Variants in ERC1 observed in about 807,000 individuals in gnomAD.
ERC1 encodes the protein RAB6 interacting protein 2.
Under a neutral mutation model 132.0 loss-of-function variants are expected in ERC1, and 56 were observed. The observed-to-expected ratio is 0.42, with a 90% CI of 0.34 to 0.53. ERC1 has a LOEUF of 0.53. Ranked by LOEUF, ERC1 falls within the 20% of genes least tolerant of loss-of-function variation. The pLI is 0.03. For missense variants in ERC1, 1,202 were observed against 1,349.9 expected, an observed-to-expected ratio of 0.89 and a Z score of 1.72; for synonymous variants, 478 against 476.1, an observed-to-expected ratio of 1.00 and a Z score of -0.05.
At chr12:1,458,059 G>T (rs1046724754) in intron 18 of ERC1, among the ~76,000 whole-genome samples, 2 of 152,248 alleles carry the variant, frequency 1.3e-5, no homozygotes, top group East Asian at 3.8e-4. Flanking sequence ...AGCATGGTTG[G>T]CATATTTGGT....
intron 16 of ERC1, among the ~76,000 whole-genome samples, chr12:1,396,972 A>G (rs1413515310): frequency 6.6e-6 from 1 of 152,140 alleles, no homozygotes; most frequent in East Asian, 1.9e-4. Flanking sequence ...AGTCAGCTCT[A>G]AGAAACCAAA....
At chr12:1,335,609 CT>C (rs759840235) in intron 15 of ERC1, among the ~76,000 whole-genome samples, 14 of 151,994 alleles carry the variant, frequency 9.2e-5, no homozygotes, top group Non-Finnish European at 1.8e-4. Context: ...TTTTCATGTG[CT>C]TCTGGATTCA....
intron 18 of ERC1, among the ~76,000 whole-genome samples, chr12:1,484,827 G>A (rs933644432): frequency 6.6e-6 from 1 of 151,866 alleles, no homozygotes; most frequent in Non-Finnish European, 1.5e-5. Flanking sequence ...TGATGCGCCT[G>A]CCACCTCAGC....
At chr12:1,080,922 C>T (rs1942098998) in intron 2 of ERC1, among the ~76,000 whole-genome samples, 1 of 151,588 alleles carries the variant, frequency 6.6e-6, no homozygotes, top group Admixed American at 6.6e-5. Flanking sequence ...AGAGCAGCCA[C>T]CTTATTTCCA....
chr12:1,422,009 A>T (rs1341417933), intron 17 of ERC1, among the ~76,000 whole-genome samples: 1 of 152,168 alleles, frequency 6.6e-6, no homozygotes, highest in East Asian at 1.9e-4. Flanking sequence ...CTGGCAAAAT[A>T]AGCTAGGGAA....
chr12:1,006,346 G>A (rs1176343867), intron 1 of ERC1, among the ~76,000 whole-genome samples: 1 of 152,064 alleles, frequency 6.6e-6, no homozygotes, highest in Non-Finnish European at 1.5e-5. Flanking sequence ...CAATCCTTCT[G>A]CTTCAACCTT....
intron 13 of ERC1, among the ~76,000 whole-genome samples, chr12:1,250,342 GAAT>G (rs2076395036): frequency 6.6e-6 from 1 of 152,054 alleles, no homozygotes; most frequent in Non-Finnish European, 1.5e-5. Context: ...TCCTTAGCCT[GAAT>G]GTTTAATCAT....
chr12:1,057,760 T>A (rs1442227392), intron 2 of ERC1, among the ~76,000 whole-genome samples: 1 of 151,928 alleles, frequency 6.6e-6, no homozygotes, highest in African/African-American at 2.4e-5. Context: ...CACGCCCAGC[T>A]AATTTTGGTA....
rs118122108 is a variant in ERC1 at position 1,290,514 on chromosome 12, A to C, written c.2780+502A>C. Among the ~76,000 whole-genome samples the C allele has an allele frequency of 1.4e-4, 21 of 152,318 alleles. 1 individual carries two copies. The highest frequency in any genetic ancestry group is 2.6e-4 in the Non-Finnish European group (18 of 68,022). ...TTGTCACTTTTAGCAGAGCTTTGCTATACACATTTTCCTGCTTCCCCCACA... is the reference window on the plus strand; with the variant it reads ...TTGTCACTTTTAGCAGAGCTTTGCTCTACACATTTTCCTGCTTCCCCCACA... On this transcript the variant is annotated intron_variant, in intron 15 of 18. Coordinates refer to ENST00000360905, the MANE Select transcript of ERC1 (RefSeq NM_178040.4).
chr12:1,005,227 C>G (rs1380767673), intron 1 of ERC1, among the ~76,000 whole-genome samples: 1 of 152,072 alleles, frequency 6.6e-6, no homozygotes, highest in African/African-American at 2.4e-5. Flanking sequence ...TCATGGCTTA[C>G]TACAGCCTCG....
In ERC1 at chr12:1,363,763, G is replaced by A. The variant is rs544104428; in HGVS notation, c.2781-8070G>A. ...CAGAGATGAGGTTCCACCATGTTGC[G>A]CAGGCTGGGCTCGAACTCCTGGGCT... On this transcript the variant is annotated intron_variant, in intron 15 of 18. Coordinates refer to ENST00000360905, the MANE Select transcript of ERC1 (RefSeq NM_178040.4). 1.3e-4 allele frequency among the ~76,000 whole-genome samples: 19 copies of A among 151,844 alleles called. No individual in the cohort carries two copies. The South Asian group carries it at 2.5e-3, about 20-fold the overall frequency.
intron 8 of ERC1, among the ~76,000 whole-genome samples, chr12:1,176,714 G>A (rs1439332253): frequency 6.6e-6 from 1 of 151,988 alleles, no homozygotes; most frequent in Non-Finnish European, 1.5e-5. Context: ...GTGAATAACT[G>A]GGATTACAGG....
At chr12:1,084,697 G>A (rs992709719) in intron 3 of ERC1, among the ~76,000 whole-genome samples, 1 of 149,340 alleles carries the variant, frequency 6.7e-6, no homozygotes, top group Admixed American at 6.7e-5. Context: ...AATTTTTATT[G>A]TTTTTATTTT....
At chr12:1,008,799 G>C (rs552892401) in intron 1 of ERC1, among the ~76,000 whole-genome samples, 1 of 152,238 alleles carries the variant, frequency 6.6e-6, no homozygotes, top group African/African-American at 2.4e-5. Context: ...TCCAGTAATG[G>C]AATTAAGTAT....
chr12:1,332,691 A>G (rs1354945966), intron 15 of ERC1, among the ~76,000 whole-genome samples: 2 of 152,192 alleles, frequency 1.3e-5, no homozygotes, highest in Non-Finnish European at 2.9e-5. Flanking sequence ...AAAAGGATTT[A>G]TTCTGGGCAC....
chr12:1,313,050 A>G (rs1047368976), intron 15 of ERC1, among the ~76,000 whole-genome samples: 1 of 152,160 alleles, frequency 6.6e-6, no homozygotes, highest in South Asian at 2.1e-4. Flanking sequence ...GGTTTATTCT[A>G]TTAATAGGCA....
In ERC1 at chr12:1,078,837, A is replaced by G. The variant is rs577126578; in HGVS notation, c.670-4327A>G. 6.6e-5 allele frequency among the ~76,000 whole-genome samples: 10 copies of G among 152,208 alleles called. No homozygotes were observed. The East Asian group carries it at 1.3e-3, about 21-fold the overall frequency. ...ATATGACAAAAGTCGATATACAAAG[A>G]TACATATAGAAATGATTTGTAATAT... On this transcript the variant is annotated intron_variant, in intron 2 of 18. Coordinates refer to ENST00000360905, the MANE Select transcript of ERC1 (RefSeq NM_178040.4).
chr12:1,313,796 C>A (rs538526552), intron 15 of ERC1, among the ~76,000 whole-genome samples: 76 of 151,884 alleles, frequency 5.0e-4, no homozygotes, highest in Non-Finnish European at 9.6e-4. Context: ...ACCAGCCTGG[C>A]CAACATGGTG....
chr12:1,189,424 G>C (rs193089680), intron 11 of ERC1, among the ~76,000 whole-genome samples: 1 of 152,302 alleles, frequency 6.6e-6, no homozygotes, highest in East Asian at 1.9e-4. Flanking sequence ...GCAGCATATA[G>C]GAAATGGAAA....
Sources: gnomAD v4.1 joint callset for allele counts (sites outside exome capture counted in the v4.1 genomes callset) on GRCh38, gnomAD v4.1.1 for gene constraint, MANE v1.5 for transcripts, NCBI Gene and HGNC (gene_info 2026-07-23, HGNC 2026-07-21) for gene names.